Variants in PPARG observed in about 807,000 individuals in gnomAD.
PPARG encodes peroxisome proliferator activated receptor gamma.
In PPARG, 17 loss-of-function variants were observed where a neutral mutation model predicts 39.2. The ratio of observed to expected loss-of-function variants is 0.43; its 90% confidence interval spans 0.30 to 0.65. The LOEUF is 0.65. Ranked by LOEUF, PPARG falls within the 30% of genes least tolerant of loss-of-function variation. The probability of loss-of-function intolerance (pLI) is 0.13; values close to 1 mark genes in which losing one functional copy is unlikely to be tolerated. For synonymous variants in PPARG, 223 were observed against 215.7 expected, an observed-to-expected ratio of 1.03 and a Z score of -0.30; for missense variants, 406 against 585.9, an observed-to-expected ratio of 0.69 and a Z score of 3.17.
chr3:12,372,293 G>A (rs1175305587), intron 2 of PPARG, among the ~76,000 whole-genome samples: 4 of 152,160 alleles, frequency 2.6e-5, no homozygotes, highest in Admixed American at 2.6e-4. Context: ...AAGAAATAAT[G>A]TTTTTCTAAC....
intron 2 of PPARG, among the ~76,000 whole-genome samples, chr3:12,365,523 A>G (rs1395692075): frequency 6.6e-6 from 1 of 151,952 alleles, no homozygotes; most frequent in Non-Finnish European, 1.5e-5. Context: ...TTACATTTAG[A>G]TCTATGTTCC....
At chr3:12,383,784 T>G (rs915954867) in intron 4 of PPARG, among the ~76,000 whole-genome samples, 2 of 152,064 alleles carry the variant, frequency 1.3e-5, no homozygotes, top group African/African-American at 4.8e-5. Context: ...TAGTTGGTTA[T>G]AGTGATAAAT....
chr3:12,393,504 A>G (rs2050153063), intron 5 of PPARG, among the ~76,000 whole-genome samples: 1 of 152,128 alleles, frequency 6.6e-6, no homozygotes, highest in African/African-American at 2.4e-5. Flanking sequence ...TTGAAAAAAT[A>G]ATTCTTGGTC....
intron 6 of PPARG, among the ~76,000 whole-genome samples, chr3:12,407,514 A>G (rs3127609): frequency 1.3e-5 from 2 of 152,130 alleles, no homozygotes; most frequent in African/African-American, 4.8e-5. Flanking sequence ...TGTCTGCACA[A>G]CGCTCCCAGG....
intron 1 of PPARG, among the ~76,000 whole-genome samples, chr3:12,303,751 T>C (rs1363711188): frequency 1.3e-5 from 2 of 152,232 alleles, no homozygotes; most frequent in Admixed American, 1.3e-4. Flanking sequence ...GAGTGCTTCG[T>C]CATTGGACAT....
upstream of PPARG, chr3:12,287,936 C>G (rs1452605698): frequency 1.4e-5 from 2 of 147,306 alleles, no homozygotes; most frequent in Non-Finnish European, 3.0e-5. Flanking sequence ...ACTCGGAGCC[C>G]GAGCCCGAGC....
intron 1 of PPARG, among the ~76,000 whole-genome samples, chr3:12,307,120 A>C (rs1467855490): frequency 4.8e-5 from 7 of 144,654 alleles, no homozygotes; most frequent in Non-Finnish European, 9.1e-5. Flanking sequence ...AAAAAAAATC[A>C]ACCGCTGTTA....
intron 5 of PPARG, among the ~76,000 whole-genome samples, chr3:12,394,907 A>G (rs2050203727): frequency 1.3e-5 from 2 of 152,210 alleles, no homozygotes; most frequent in Non-Finnish European, 2.9e-5. Context: ...TTATACCAAA[A>G]TCAGCACCCA....
At chr3:12,303,068 G>A (rs1479548900) in intron 1 of PPARG, among the ~76,000 whole-genome samples, 2 of 152,156 alleles carry the variant, frequency 1.3e-5, no homozygotes, top group Non-Finnish European at 2.9e-5. Flanking sequence ...ATATTCAAGC[G>A]CATGATTTTG....
chr3:12,324,938 T>C (rs1020635079), intron 2 of PPARG, among the ~76,000 whole-genome samples: 7 of 152,156 alleles, frequency 4.6e-5, no homozygotes, highest in Non-Finnish European at 8.8e-5. Flanking sequence ...CAACTACCAA[T>C]GAATATTTAT....
At chr3:12,372,787 GT>G (rs1257765857) in intron 2 of PPARG, among the ~76,000 whole-genome samples, 3 of 152,062 alleles carry the variant, frequency 2.0e-5, no homozygotes, top group African/African-American at 7.2e-5. Context: ...TTGTATTTTT[GT>G]TGCACTACTT....
At chr3:12,294,134 GA>G (rs952949785) in intron 1 of PPARG, among the ~76,000 whole-genome samples, 4 of 152,076 alleles carry the variant, frequency 2.6e-5, no homozygotes, top group Admixed American at 6.6e-5. Context: ...TTAGGAGAGG[GA>G]AAAATAAAGT....
At position 12,298,878 on chromosome 3, in the gene PPARG, C is replaced by T. The variant is rs141277722; in HGVS notation, c.-83+9744C>T. ...TGAGACAGGGTCTCACTCTGTCACC[C>T]AGGCTGGAGTGCAGTGGTGCCATCA... is the stretch of plus-strand genomic sequence containing the variant. On this transcript the variant is annotated intron_variant, in intron 1 of 7. Transcript: ENST00000651735. Among the ~76,000 whole-genome samples, 439 of 152,254 alleles carry T rather than the reference C, an allele frequency of 2.9e-3. 2 individuals carry two copies. The highest frequency in any genetic ancestry group is 9.2e-3 in the African/African-American group (382 of 41,548).
At chr3:12,322,138 G>A (rs12493718) in intron 2 of PPARG, among the ~76,000 whole-genome samples, 1 of 152,018 alleles carries the variant, frequency 6.6e-6, no homozygotes, top group East Asian at 1.9e-4. Context: ...ATACTGAAAA[G>A]GAATCCATAA....
intron 4 of PPARG, among the ~76,000 whole-genome samples, chr3:12,387,204 G>A (rs1390365992): frequency 6.6e-6 from 1 of 152,132 alleles, no homozygotes; most frequent in Non-Finnish European, 1.5e-5. Flanking sequence ...CTTTATAGTA[G>A]CATGACTTAT....
intron 2 of PPARG, among the ~76,000 whole-genome samples, chr3:12,353,678 C>T (rs898638359): frequency 3.3e-5 from 5 of 152,146 alleles, no homozygotes; most frequent in Admixed American, 2.6e-4. Context: ...TTAAAAATCT[C>T]GACTACACTT....
rs549307515 is a variant in PPARG, at chr3:12,296,444, A to C, written c.-83+7310A>C. ...ACTCTGCTTTATACGCTGTTTGGGA[A>C]CTCTTGGTCCAAGATGATTCTTGCA... is the stretch of plus-strand genomic sequence containing the variant. On this transcript the variant is annotated intron_variant, in intron 1 of 7. Coordinates refer to ENST00000651735, the MANE Select transcript of PPARG (RefSeq NM_138711.6). 4.6e-5 allele frequency among the ~76,000 whole-genome samples: 7 copies of C among 151,420 alleles called. No individual in the cohort carries two copies. The South Asian group carries it at 1.5e-3, about 32-fold the overall frequency.
intron 5 of PPARG, among the ~76,000 whole-genome samples, chr3:12,399,967 G>GAGAA (rs1367016778): frequency 3.3e-5 from 5 of 150,400 alleles, no homozygotes; most frequent in African/African-American, 1.2e-4. Flanking sequence ...CTGCGTGATC[G>GAGAA]AGAAAGACCC....
chr3:12,300,816 A>C (rs2046907020), intron 1 of PPARG, among the ~76,000 whole-genome samples: 1 of 152,216 alleles, frequency 6.6e-6, no homozygotes, highest in Non-Finnish European at 1.5e-5. Flanking sequence ...GAGGGTAAGA[A>C]TGTGTATAGT....
Sources: gnomAD v4.1 joint callset for allele counts (sites outside exome capture counted in the v4.1 genomes callset) on GRCh38, gnomAD v4.1.1 for gene constraint, MANE v1.5 for transcripts, NCBI Gene and HGNC (gene_info 2026-07-23, HGNC 2026-07-21) for gene names.